The following SI variants were observed in gnomAD, a reference collection of about 807,000 sequenced individuals.
SI encodes sucrase-isomaltase.
A neutral mutation model predicts 253.3 loss-of-function variants in SI; 235 were observed. The ratio of observed to expected loss-of-function variants is 0.93; its 90% CI spans 0.83 to 1.03. The LOEUF (loss-of-function observed/expected upper bound fraction) is 1.03. Among genes scored for constraint, SI ranks in the 50% least tolerant of loss-of-function variants. The pLI is 0.00. For synonymous variants in SI, 819 were observed against 712.0 expected, an observed-to-expected ratio of 1.15 and a Z score of -2.39; for missense variants, 2,442 against 2,211.1, an observed-to-expected ratio of 1.10 and a Z score of -2.09.
At chr3:165,013,075 A>G (rs1435150050) in intron 33 of SI, 33 bp from the exon 34 acceptor site, 2 of 1,358,554 alleles carry the variant, frequency 1.5e-6, no homozygotes, top group Non-Finnish European at 2.1e-6. Context: ...AAGCTGATCA[A>G]AACATAGTCA....
At chr3:164,990,801 A>C (rs1433276350) in intron 44 of SI, among the ~76,000 whole-genome samples, 6 of 152,100 alleles carry the variant, frequency 3.9e-5, no homozygotes, top group Non-Finnish European at 8.8e-5. Flanking sequence ...AATGTTAAAA[A>C]GACAAGTTAA....
intron 38 of SI, among the ~76,000 whole-genome samples, chr3:164,997,804 C>T (rs1273135607): frequency 1.3e-5 from 2 of 151,792 alleles, no homozygotes; most frequent in African/African-American, 4.8e-5. Context: ...ATCCATGTCC[C>T]TTGAAAGGTC....
chr3:165,065,438 C>T lies in SI; in HGVS notation c.636-6G>A. On this transcript the variant is annotated splice_polypyrimidine_tract_variant and splice_region_variant and intron_variant, in intron 6 of 47. Transcript: ENST00000264382. ...GACCAATGCTGGTGTCAAACCTGCA[C>T]CATAAAAGAAATAAAGAAATAATCT... The T allele has an allele frequency of 1.6e-6, 2 of 1,250,380 alleles. No individual in the cohort carries two copies. Among genetic ancestry groups the T allele is most frequent in the Non-Finnish European group, 2.2e-6 (2 of 927,582 alleles). 77.5% of individuals were successfully genotyped at this position (1,250,380 alleles called of 1,614,324 possible). A position where few individuals can be genotyped will look rare whatever the true frequency, so the allele number is the denominator to read the frequency against.
At position 165,059,160 on chromosome 3, in the gene SI, A is replaced by C. The variant is rs368886500; in HGVS notation, c.1278+8T>G. Reference sequence around the variant, plus strand: ...CTAAAAATGTATTAAGGTATAATTGATTATTACCAAGATGATGACATATTT... The same window carrying C: ...CTAAAAATGTATTAAGGTATAATTGCTTATTACCAAGATGATGACATATTT... On this transcript the variant is annotated splice_region_variant and intron_variant, in intron 11 of 47. Coordinates refer to ENST00000264382, the MANE Select transcript of SI (RefSeq NM_001041.4). 8.2e-5 allele frequency: 132 copies of C among 1,612,360 alleles called. 2 individuals carry two copies. In the African/African-American group the frequency reaches 1.5e-3, roughly 18 times the overall value.
chr3:164,989,207 G>T (rs528777245), intron 44 of SI, among the ~76,000 whole-genome samples: 3 of 150,802 alleles, frequency 2.0e-5, no homozygotes, highest in Non-Finnish European at 4.4e-5. Context: ...TTAGCTAGGC[G>T]TCTGGCAGGC....
the SI span, among the ~76,000 whole-genome samples, chr3:165,088,938 A>AT: frequency 2.6e-5 from 4 of 152,022 alleles, no homozygotes; most frequent in African/African-American, 9.7e-5. Flanking sequence ...TGATAATTAA[A>AT]TTTTAGGTAA....
In SI at chr3:165,041,069, T is replaced by A; in HGVS notation, c.2030A>T (p.Gln677Leu). Residue 677 changes from glutamine to leucine, a missense_variant, in exon 18 of 48, where the codon CAG becomes CTG. By Grantham distance (113) the Gln-to-Leu change is moderately radical (BLOSUM62 -2). Transcript: ENST00000264382. ...YEHQDPAFFG[Q>L]NSLLVKSSRQ... ...TGATGATTTAACCAAAAGTGAATTCTGCCCAAAAAATGCAGGATCCTGATG... is the reference window on the plus strand; with the variant it reads ...TGATGATTTAACCAAAAGTGAATTCAGCCCAAAAAATGCAGGATCCTGATG... 1 of 1,612,844 alleles carries A rather than the reference T, an allele frequency of 6.2e-7. No individual in the cohort carries two copies. Among genetic ancestry groups the A allele is most frequent in the Non-Finnish European group, 8.5e-7 (1 of 1,179,258 alleles).
chr3:165,036,464 G>A lies in SI; in HGVS notation c.2440C>T (p.Leu814=). 1 of 1,610,680 alleles carries A rather than the reference G, an allele frequency of 6.2e-7. No homozygotes were observed. The highest frequency in any genetic ancestry group is 8.5e-7 in the Non-Finnish European group (1 of 1,177,758). Residue 814 remains leucine (L), a synonymous_variant, in exon 22 of 48, where the codon CTA becomes TTA. Coordinates refer to ENST00000264382, the MANE Select transcript of SI (RefSeq NM_001041.4). ...VTTTASRKNP[L]GLIVALGENN... ...TCACCTAATGCGACTATAAGTCCTAGAGGATTCTTACGGCTGTTAAGAAAA... is the reference window on the plus strand; with the variant it reads ...TCACCTAATGCGACTATAAGTCCTAAAGGATTCTTACGGCTGTTAAGAAAA...
chr3:165,059,843 T>G, intron 10 of SI, 59 bp downstream of exon 10: 1 of 1,546,286 alleles, frequency 6.5e-7, no homozygotes, highest in Non-Finnish European at 8.9e-7. Flanking sequence ...CCTACAGTTC[T>G]TATTATGTGA....
intron 15 of SI, among the ~76,000 whole-genome samples, chr3:165,048,642 G>C (rs895355629): frequency 2.0e-5 from 3 of 150,780 alleles, no homozygotes; most frequent in Non-Finnish European, 4.4e-5. Flanking sequence ...TTTGGAGACT[G>C]AGTCTAGCTC....
At position 165,004,421 on chromosome 3, in the gene SI, T is replaced by C. The variant is rs148262133; in HGVS notation, c.4406+2395A>G. Reference sequence around the variant, plus strand: ...CCCCAAAAAATAAAAATAGAGCTACTATATGATTCAGCAGTCCTGCTGCTG... The same window carrying C: ...CCCCAAAAAATAAAAATAGAGCTACCATATGATTCAGCAGTCCTGCTGCTG... On this transcript the variant is annotated intron_variant, in intron 37 of 47. Transcript: ENST00000264382. Among the ~76,000 whole-genome samples the C allele has an allele frequency of 6.4e-4, 98 of 152,250 alleles. 2 individuals are homozygous for C. Among genetic ancestry groups the C allele is most frequent in the African/African-American group, 2.1e-3 (86 of 41,552 alleles).
At chr3:165,049,967 A>G in intron 13 of SI, 92 bp from the exon 14 acceptor site, 1 of 819,814 alleles carries the variant, frequency 1.2e-6, no homozygotes, top group Non-Finnish European at 2.1e-6. Flanking sequence ...TGTTTTATAT[A>G]AGATAACCAT....
chr3:165,008,361 C>T (rs1328484469), intron 35 of SI, among the ~76,000 whole-genome samples: 1 of 151,892 alleles, frequency 6.6e-6, no homozygotes, highest in East Asian at 1.9e-4. Flanking sequence ...GCTAAAACTA[C>T]AAGATATATT....
intron 34 of SI, among the ~76,000 whole-genome samples, chr3:165,010,904 G>T (rs1036520614): frequency 6.6e-6 from 1 of 152,130 alleles, no homozygotes; most frequent in Non-Finnish European, 1.5e-5. Context: ...TGGAACTCAA[G>T]TTGAAATAAC....
At chr3:165,052,533 G>A (rs1325171594) in intron 13 of SI, among the ~76,000 whole-genome samples, 1 of 152,126 alleles carries the variant, frequency 6.6e-6, no homozygotes, top group African/African-American at 2.4e-5. Context: ...AAGTGCACCT[G>A]TAATCCCAGC....
intron 22 of SI, among the ~76,000 whole-genome samples, chr3:165,035,438 T>A (rs539741584): frequency 1.3e-5 from 2 of 151,898 alleles, no homozygotes; most frequent in African/African-American, 4.8e-5. Context: ...ATGTAATTTA[T>A]TTAAATGAAT....
At chr3:165,022,239 T>C (rs533383199) in intron 26 of SI, among the ~76,000 whole-genome samples, 11 of 151,712 alleles carry the variant, frequency 7.3e-5, no homozygotes, top group Middle Eastern at 3.4e-3. Flanking sequence ...TGTTTTTTGA[T>C]GTGAAAACAT....
rs530680937 is a variant in SI at position 165,003,402 on chromosome 3, G to C, written c.4406+3414C>G. ...AATTATGCCCCAATATTGTGTTCCAGCAGGGTTAATCAAAAGTAACATTTG... is the reference window on the plus strand; with the variant it reads ...AATTATGCCCCAATATTGTGTTCCACCAGGGTTAATCAAAAGTAACATTTG... On this transcript the variant is annotated intron_variant, in intron 37 of 47. Transcript: ENST00000264382. 2.6e-5 allele frequency among the ~76,000 whole-genome samples: 4 copies of C among 151,994 alleles called. No individual in the cohort carries two copies. The East Asian group carries it at 7.7e-4, about 29-fold the overall frequency.
intron 25 of SI, 124 bp downstream of exon 25, chr3:165,030,588 T>A: frequency 9.8e-7 from 1 of 1,022,200 alleles, no homozygotes; most frequent in East Asian, 2.5e-5. Flanking sequence ...AACTTCAAAT[T>A]CCAAATGATT....
Sources: gnomAD v4.1 joint callset for allele counts (sites outside exome capture counted in the v4.1 genomes callset) on GRCh38, gnomAD v4.1.1 for gene constraint, MANE v1.5 for transcripts, NCBI Gene and HGNC (gene_info 2026-07-23, HGNC 2026-07-21) for gene names.